Variants in NCALD observed in about 807,000 individuals in gnomAD.
NCALD encodes neurocalcin delta.
NCALD carries 10 observed loss-of-function variants against 18.6 expected under a neutral mutation model. The ratio of observed to expected loss-of-function variants is 0.54; its 90% CI spans 0.33 to 0.91. The LOEUF is 0.91. Ranked by LOEUF, NCALD falls within the 40% of genes least tolerant of loss-of-function variation. The pLI is 0.03. For synonymous variants in NCALD, 88 were observed against 87.4 expected (o/e 1.01, Z -0.04); for missense variants, 184 against 247.6 (o/e 0.74, Z 1.72).
At chr8:102,069,594 G>A (rs893433817) in intron 1 of NCALD, among the ~76,000 whole-genome samples, 4 of 152,180 alleles carry the variant, frequency 2.6e-5, no homozygotes, top group Admixed American at 6.5e-5. Context: ...TTGCAATATT[G>A]TTTATAATAG....
chr8:102,066,790 A>G (rs1782033299), intron 1 of NCALD, among the ~76,000 whole-genome samples: 1 of 152,242 alleles, frequency 6.6e-6, no homozygotes, highest in African/African-American at 2.4e-5. Flanking sequence ...AATATTGGGG[A>G]AAACTCTTCA....
intron 2 of NCALD, among the ~76,000 whole-genome samples, chr8:101,706,114 A>G (rs1815507728): frequency 6.6e-6 from 1 of 152,176 alleles, no homozygotes; most frequent in African/African-American, 2.4e-5. Context: ...GAAAACTATT[A>G]ATTGCTCATA....
intron 1 of NCALD, among the ~76,000 whole-genome samples, chr8:102,094,688 G>T (rs1441006218): frequency 2.2e-4 from 33 of 152,198 alleles, no homozygotes. Flanking sequence ...ACCTTATTTG[G>T]AAAGAAAGTC....
intron 4 of NCALD, among the ~76,000 whole-genome samples, chr8:101,820,440 TAATG>T (rs1183117377): frequency 6.6e-6 from 1 of 152,214 alleles, no homozygotes; most frequent in Non-Finnish European, 1.5e-5. Flanking sequence ...ATGAATCGAT[TAATG>T]AATGAATAAA....
chr8:101,774,532 G>T (rs1811712650), intron 1 of NCALD, among the ~76,000 whole-genome samples: 1 of 152,254 alleles, frequency 6.6e-6, no homozygotes, highest in South Asian at 2.1e-4. Context: ...ATTAACTCAT[G>T]TGTGATTAGA....
chr8:101,784,974 G>A (rs192025841), intron 1 of NCALD, among the ~76,000 whole-genome samples: 9 of 152,118 alleles, frequency 5.9e-5, no homozygotes, highest in Middle Eastern at 3.4e-3. Flanking sequence ...ACAACAAAAC[G>A]ATGTTGAATG....
intron 2 of NCALD, among the ~76,000 whole-genome samples, chr8:101,970,000 C>T (rs1395753821): frequency 6.6e-6 from 1 of 152,038 alleles, no homozygotes; most frequent in Non-Finnish European, 1.5e-5. Context: ...TAGGTACAAC[C>T]CTCAAAGTGC....
intron 1 of NCALD, among the ~76,000 whole-genome samples, chr8:101,731,776 C>T (rs1816844772): frequency 6.6e-6 from 1 of 152,182 alleles, no homozygotes; most frequent in Admixed American, 6.5e-5. Flanking sequence ...ATGTCTAAGT[C>T]TGCCTCCACT....
chr8:101,732,523 A>G (rs1816880851), intron 1 of NCALD, among the ~76,000 whole-genome samples: 1 of 151,322 alleles, frequency 6.6e-6, no homozygotes, highest in African/African-American at 2.4e-5. Context: ...ATAGTATCCT[A>G]CATAGGACAG....
At chr8:101,730,860 A>G (rs543321140) in intron 1 of NCALD, among the ~76,000 whole-genome samples, 1 of 152,300 alleles carries the variant, frequency 6.6e-6, no homozygotes, top group East Asian at 1.9e-4. Context: ...TTGCCACTAG[A>G]CTGTAAGCAC....
intron 1 of NCALD, among the ~76,000 whole-genome samples, chr8:102,061,216 C>A (rs11993879): frequency 0.06 from 9,143 of 152,300 alleles, 640 homozygotes; most frequent in African/African-American, 0.17. Flanking sequence ...AAAGCATCAG[C>A]TTCTCTCTGA....
chr8:101,803,673 G>C (rs890738494), intron 4 of NCALD, among the ~76,000 whole-genome samples: 2 of 152,118 alleles, frequency 1.3e-5, no homozygotes, highest in African/African-American at 4.8e-5. Context: ...AATATTAACA[G>C]GAGTTTGGGA....
At position 102,019,321 on chromosome 8, in the gene NCALD, G is replaced by T. The variant is rs906535128; in HGVS notation, c.-157+916C>A. ...GAACCCTCATACACTCCTGATTGTG[G>T]CATAAATTTTTAAATTGATACACCA... On this transcript the variant is annotated intron_variant, in intron 2 of 6. Coordinates refer to the NCALD transcript ENST00000311028. Among the ~76,000 whole-genome samples the T allele has an allele frequency of 2.8e-4, 43 of 152,162 alleles. 1 individual carries two copies. Among genetic ancestry groups the T allele is most frequent in the African/African-American group, 1.0e-3 (42 of 41,544 alleles).
intron 1 of NCALD, among the ~76,000 whole-genome samples, chr8:101,758,207 T>A (rs1421209276): frequency 6.6e-6 from 1 of 152,186 alleles, no homozygotes; most frequent in African/African-American, 2.4e-5. Flanking sequence ...CTTTGTAATC[T>A]GGCCCCAGCC....
At chr8:102,087,720 A>G (rs1369393229) in intron 1 of NCALD, among the ~76,000 whole-genome samples, 1 of 152,208 alleles carries the variant, frequency 6.6e-6, no homozygotes, top group African/African-American at 2.4e-5. Flanking sequence ...TTAGGGATGT[A>G]CAAGACCATG....
intron 2 of NCALD, among the ~76,000 whole-genome samples, chr8:101,927,515 C>T (rs1184678439): frequency 6.6e-6 from 1 of 152,118 alleles, no homozygotes; most frequent in Non-Finnish European, 1.5e-5. Flanking sequence ...GAGCCAACCT[C>T]GCCAAGAGTC....
At chr8:102,084,276 G>A (rs1186955754) in intron 1 of NCALD, among the ~76,000 whole-genome samples, 3 of 152,192 alleles carry the variant, frequency 2.0e-5, no homozygotes, top group Non-Finnish European at 4.4e-5. Context: ...GTTAATGGCC[G>A]CGAATCTGTA....
intron 1 of NCALD, among the ~76,000 whole-genome samples, chr8:102,048,398 C>T (rs76361827): frequency 4.6e-3 from 708 of 152,286 alleles, no homozygotes; most frequent in Non-Finnish European, 7.8e-3. Flanking sequence ...GATGTGGCTT[C>T]CCTGACTGGT....
chr8:102,029,642 T>A (rs547625797), intron 1 of NCALD, among the ~76,000 whole-genome samples: 1 of 152,266 alleles, frequency 6.6e-6, no homozygotes, highest in Non-Finnish European at 1.5e-5. Flanking sequence ...AAAGTCGCTG[T>A]CACAGTAACA....
Sources: allele counts gnomAD v4.1 joint callset (sites outside exome capture counted in the v4.1 genomes callset), GRCh38; gene constraint gnomAD v4.1.1; transcripts MANE v1.5; gene names NCBI Gene and HGNC (gene_info 2026-07-23, HGNC 2026-07-21).